Variants in RELN observed in about 807,000 individuals in gnomAD.
RELN encodes the protein reelin.
Under a neutral mutation model 427.6 loss-of-function variants are expected in RELN, and 108 were observed. The observed-to-expected ratio is 0.25, with a 90% CI of 0.22 to 0.30. The LOEUF is 0.30. RELN is among the 10% of genes least tolerant of loss of function. The pLI is 1.00. For synonymous variants in RELN, 1,524 were observed against 1,513.4 expected (o/e 1.01, Z -0.16); for missense variants, 3,715 against 4,302.8 (o/e 0.86, Z 3.82).
intron 46 of RELN, among the ~76,000 whole-genome samples, chr7:103,525,886 T>C (rs1024268471): frequency 1.3e-5 from 2 of 152,238 alleles, no homozygotes; most frequent in Non-Finnish European, 2.9e-5. Context: ...TATTCATATG[T>C]AATTTCCTGT....
intron 8 of RELN, among the ~76,000 whole-genome samples, chr7:103,720,688 T>C (rs1562970982): frequency 6.6e-6 from 1 of 152,140 alleles, no homozygotes; most frequent in Admixed American, 6.6e-5. Flanking sequence ...ATGGCTGCTA[T>C]TGGATTGGTT....
intron 60 of RELN, among the ~76,000 whole-genome samples, chr7:103,488,765 T>A (rs777295142): frequency 6.6e-6 from 1 of 152,220 alleles, no homozygotes; most frequent in Non-Finnish European, 1.5e-5. Context: ...TGTGTGACCT[T>A]AGGCAGGTCA....
intron 1 of RELN, among the ~76,000 whole-genome samples, chr7:103,934,617 C>T (rs1317623063): frequency 6.6e-6 from 1 of 152,136 alleles, no homozygotes; most frequent in Non-Finnish European, 1.5e-5. Flanking sequence ...ATTGTGCCCC[C>T]ACACTGATAG....
intron 49 of RELN, 62 bp from the exon 50 acceptor site, chr7:103,515,503 A>AG (rs1829543580): frequency 6.4e-7 from 1 of 1,556,446 alleles, no homozygotes; most frequent in African/African-American, 2.1e-5. Flanking sequence ...TTCTCTGAGT[A>AG]AAAGATTTAC....
chr7:103,684,881 G>C (rs111823329), intron 10 of RELN, among the ~76,000 whole-genome samples: 34 of 152,154 alleles, frequency 2.2e-4, no homozygotes, highest in African/African-American at 8.0e-4. Flanking sequence ...AAATAGAAGA[G>C]CATTTCAATC....
At chr7:103,728,293 A>G in intron 6 of RELN, 86 bp from the exon 7 acceptor site, 15 of 1,253,358 alleles carry the variant, frequency 1.2e-5, no homozygotes, top group Non-Finnish European at 1.7e-5. Flanking sequence ...TATAATATTT[A>G]TTGTTACTCA....
intron 3 of RELN, among the ~76,000 whole-genome samples, chr7:103,794,483 C>G (rs1036652832): frequency 6.6e-6 from 1 of 152,070 alleles, no homozygotes; most frequent in African/African-American, 2.4e-5. Flanking sequence ...TCTTCCAGTC[C>G]CCTTTGATTT....
intron 3 of RELN, among the ~76,000 whole-genome samples, chr7:103,799,846 C>T (rs1383856215): frequency 1.3e-5 from 2 of 152,126 alleles, no homozygotes; most frequent in African/African-American, 4.8e-5. Flanking sequence ...AGTGACTTAA[C>T]CTCTCTGTGC....
chr7:103,921,860 C>T (rs2116684797), intron 1 of RELN, among the ~76,000 whole-genome samples: 1 of 152,258 alleles, frequency 6.6e-6, no homozygotes, highest in South Asian at 2.1e-4. Flanking sequence ...AGAATGACCC[C>T]TTGCCAGGTT....
At chr7:103,900,851 T>C (rs1207367745) in intron 2 of RELN, among the ~76,000 whole-genome samples, 2 of 151,868 alleles carry the variant, frequency 1.3e-5, no homozygotes, top group Non-Finnish European at 2.9e-5. Context: ...TCAAGATGGA[T>C]CAAAAACTTA....
rs1491214304 is a variant in RELN, at chr7:103,909,681, T to TA, written c.337+7393_337+7394insT. ...TATATATAAATATATATTAAATATA[T>TA]TTAATAAATATATATATTTAATATA... On this transcript the variant is annotated intron_variant, in intron 2 of 64. Transcript: ENST00000428762. Among the ~76,000 whole-genome samples the TA allele has an allele frequency of 3.9e-3, 265 of 67,520 alleles. 76 individuals carry two copies. The highest frequency in any genetic ancestry group is 0.022 in the African/African-American group (251 of 11,544). The allele number at this position is 67,520 out of a possible 152,430, so 44.3% of individuals were successfully genotyped here.
At chr7:103,636,093 T>G (rs1020850423) in intron 18 of RELN, 142 bp downstream of exon 18, 1 of 697,620 alleles carries the variant, frequency 1.4e-6, no homozygotes, top group African/African-American at 1.8e-5. Flanking sequence ...AAATTAACTC[T>G]CAATAAACTG....
rs1228594136 is a variant in RELN at position 103,611,668 on chromosome 7, G to C, written c.2838C>G (p.Asn946Lys). 5 of 1,613,652 alleles carry C rather than the reference G, an allele frequency of 3.1e-6. No homozygotes were observed. The East Asian group carries it at 1.1e-4, about 36-fold the overall frequency. The change falls in exon 21 of 65, where the codon AAC (asparagine) becomes AAG (lysine). Residue 946 changes from asparagine (N) to lysine (K), a missense_variant. Around this residue, in one of 4 missense-constraint regions of RELN, gnomAD observed 2,208 missense variants for 2,361.7 expected, o/e 0.93. Transcript: ENST00000428762. The part of the protein sequence containing the change: ...CGQKYTPHMD[N>K]QVKLEYSTNH... ...TGGTTGAGTACTCCAGCTTCACCTG[G>C]TTGTCCATGTGTGGGGTGTATTTCT...
Position 103,557,025 on chromosome 7 carries a change from C to T in RELN, c.5749G>A (p.Ala1917Thr). ...CTGAATCTTGTAGCATTGGTTTGGGCAGTGTATGGCAAGGGAACATTGATG... is the reference window on the plus strand; with the variant it reads ...CTGAATCTTGTAGCATTGGTTTGGGTAGTGTATGGCAAGGGAACATTGATG... ...LFINVPLPYT[A>T]QTNATRFRLW... The change falls in exon 38 of 65, where the codon GCC becomes ACC. Residue 1917 changes from alanine to threonine, a missense_variant. By Grantham distance (58) the Ala-to-Thr change is moderately conservative. Coordinates refer to ENST00000428762, the MANE Select transcript of RELN (RefSeq NM_005045.4). The T allele has an allele frequency of 6.2e-7, 1 of 1,613,742 alleles. No individual in the cohort carries two copies. Among genetic ancestry groups the T allele is most frequent in the Non-Finnish European group, 8.5e-7 (1 of 1,179,666 alleles).
At chr7:103,487,458 T>TAAAAA (rs11371972) in intron 60 of RELN, among the ~76,000 whole-genome samples, 6 of 128,104 alleles carry the variant, frequency 4.7e-5, no homozygotes, top group African/African-American at 1.2e-4. Context: ...GTTGTTACAG[T>TAAAAA]AAAAAAAAAA....
intron 4 of RELN, among the ~76,000 whole-genome samples, chr7:103,757,594 T>A (rs661492): frequency 6.6e-6 from 1 of 151,968 alleles, no homozygotes. Context: ...CTTAAAGAAG[T>A]GGGTTTTGGT....
At chr7:103,565,759 CATTACCACCTT>C (rs1830737040) in intron 33 of RELN, among the ~76,000 whole-genome samples, 1 of 152,278 alleles carries the variant, frequency 6.6e-6, no homozygotes, top group Admixed American at 6.5e-5. Context: ...ATTTGAAAAG[CATTACCACCTT>C]GGAAAGGGCT....
chr7:103,501,501 T>C (rs1417398074), intron 52 of RELN, among the ~76,000 whole-genome samples: 2 of 152,210 alleles, frequency 1.3e-5, no homozygotes, highest in East Asian at 1.9e-4. Context: ...CTTCTCTGTC[T>C]TCTGGGGGAA....
chr7:103,939,087 C>T (rs1439765768), intron 1 of RELN, among the ~76,000 whole-genome samples: 1 of 152,026 alleles, frequency 6.6e-6, no homozygotes, highest in Non-Finnish European at 1.5e-5. Context: ...GCTTGCATTA[C>T]AGGCACCCGC....
Sources: gnomAD v4.1 joint callset for allele counts (sites outside exome capture counted in the v4.1 genomes callset) on GRCh38, gnomAD v4.1.1 for gene constraint, gnomAD v4.1.1 regional missense constraint, MANE v1.5 for transcripts, NCBI Gene and HGNC (gene_info 2026-07-23, HGNC 2026-07-21) for gene names.